RTTN: variants seen among roughly 807,000 people sequenced by gnomAD.
RTTN encodes rotatin.
Under a neutral mutation model 269.2 loss-of-function variants are expected in RTTN, and 182 were observed. The ratio of observed to expected loss-of-function variants is 0.68; its 90% confidence interval spans 0.60 to 0.76. The LOEUF is 0.76. Ranked by LOEUF, RTTN falls within the 30% of genes least tolerant of loss-of-function variation. RTTN has a pLI of 0.00. For missense variants in RTTN, 2,545 were observed against 2,608.6 expected (o/e 0.98, Z 0.53); for synonymous variants, 1,006 against 963.5 (o/e 1.04, Z -0.82).
Position 70,030,046 on chromosome 18 carries a change from G to T in RTTN, c.5711C>A (p.Ser1904Tyr). The part of the protein sequence containing the change: ...KHINAQLNLD[S>Y]LRPGKAALKK... ...CAATGCTGCTTTCCCAGGCCTCAGA[G>T]AATCTAGGTTCAGTTGTGCATTTAT... The change falls in exon 42 of 49, where the codon TCT (serine) becomes TAT (tyrosine). Residue 1904 changes from serine to tyrosine, a missense_variant. Ser to Tyr is a moderately radical substitution (Grantham distance 144, BLOSUM62 -2). Transcript: ENST00000640769. 2 of 1,612,800 alleles carry T rather than the reference G, an allele frequency of 1.2e-6. No individual in the cohort carries two copies. The highest frequency in any genetic ancestry group is 8.5e-7 in the Non-Finnish European group (1 of 1,179,546).
At chr18:70,060,478 T>C (rs541609613) in intron 35 of RTTN, among the ~76,000 whole-genome samples, 1 of 152,328 alleles carries the variant, frequency 6.6e-6, no homozygotes, top group South Asian at 2.1e-4. Context: ...TTTTTAATTA[T>C]GGATATATAA....
intron 32 of RTTN, among the ~76,000 whole-genome samples, chr18:70,082,434 A>G (rs547799594): frequency 4.6e-5 from 7 of 152,310 alleles, no homozygotes; most frequent in Admixed American, 3.9e-4. Flanking sequence ...AATTACATCA[A>G]TAATCCATCT....
intron 14 of RTTN, among the ~76,000 whole-genome samples, chr18:70,163,676 T>G (rs2060907781): frequency 6.6e-6 from 1 of 152,252 alleles, no homozygotes; most frequent in Non-Finnish European, 1.5e-5. Context: ...TTTCAGATTT[T>G]GAAATTATTT....
At chr18:70,139,804 T>G (rs1314529622) in intron 20 of RTTN, 88 bp from the exon 21 acceptor site, 2 of 802,454 alleles carry the variant, frequency 2.5e-6, no homozygotes, top group Non-Finnish European at 4.1e-6. Context: ...ACTCTAAATT[T>G]TATGCGTTTT....
intron 9 of RTTN, 81 bp downstream of exon 9, chr18:70,190,457 G>T: frequency 9.5e-7 from 1 of 1,047,326 alleles, no homozygotes; most frequent in Non-Finnish European, 1.4e-6. Flanking sequence ...CCCTAACATA[G>T]AAGAGAAAAA....
chr18:70,094,750 T>C (rs1317196549), intron 28 of RTTN, among the ~76,000 whole-genome samples: 2 of 152,228 alleles, frequency 1.3e-5, no homozygotes, highest in African/African-American at 2.4e-5. Flanking sequence ...CTGAGAAGAA[T>C]GTATATTCTG....
intron 14 of RTTN, among the ~76,000 whole-genome samples, chr18:70,155,487 C>T (rs971479935): frequency 6.6e-6 from 1 of 152,196 alleles, no homozygotes; most frequent in African/African-American, 2.4e-5. Flanking sequence ...GGACTTGTTC[C>T]TGGCCTTGAG....
rs1369363481 is a variant in RTTN at position 70,184,706 on chromosome 18, T to TGTG, written c.1305+3401_1305+3402insCAC. Among the ~76,000 whole-genome samples the TGTG allele has an allele frequency of 3.4e-3, 185 of 54,160 alleles. 2 individuals carry two copies. Among genetic ancestry groups the TGTG allele is most frequent in the African/African-American group, 0.012 (153 of 13,302 alleles). 35.5% of individuals were successfully genotyped at this position (54,160 alleles called of 152,430 possible). A position where few individuals can be genotyped will look rare whatever the true frequency, so the allele number is the denominator to read the frequency against. ...ATTCCATTCAAAACCACAGCAGGTTTTTTTTTTTTTTGTGTGTGTGTGTGT... is the reference window on the plus strand; with the variant it reads ...ATTCCATTCAAAACCACAGCAGGTTTGTGTTTTTTTTTTTGTGTGTGTGTGTGT... On this transcript the variant is annotated intron_variant, in intron 10 of 48. Coordinates refer to ENST00000640769, the MANE Select transcript of RTTN (RefSeq NM_173630.4).
chr18:70,058,774 T>C (rs1056923307), intron 36 of RTTN, among the ~76,000 whole-genome samples: 1 of 149,770 alleles, frequency 6.7e-6, no homozygotes, highest in Admixed American at 6.9e-5. Context: ...AGCAGTTACT[T>C]TTCCAATCCG....
At chr18:70,071,308 A>T (rs1034954156) in intron 34 of RTTN, among the ~76,000 whole-genome samples, 4 of 152,230 alleles carry the variant, frequency 2.6e-5, no homozygotes, top group Admixed American at 2.0e-4. Flanking sequence ...TCCAGAAAAA[A>T]GTTTGAAAGA....
chr18:70,152,369 T>A lies in RTTN; in HGVS notation c.1930-1636A>T, dbSNP rs141496614. 8.4e-3 allele frequency among the ~76,000 whole-genome samples: 1,276 copies of A among 152,266 alleles called. 9 individuals are homozygous for A. Among genetic ancestry groups the A allele is most frequent in the Middle Eastern group, 0.051 (15 of 294 alleles). Reference sequence around the variant, plus strand: ...AATGACCTTGGACAAATTCAAAGTATCTCCGTTTTCAGAAAGAGGTAGTAC... The same window carrying A: ...AATGACCTTGGACAAATTCAAAGTAACTCCGTTTTCAGAAAGAGGTAGTAC... On this transcript the variant is annotated intron_variant, in intron 14 of 48. Transcript: ENST00000640769.
chr18:70,027,411 T>A (rs1568261311), intron 43 of RTTN, among the ~76,000 whole-genome samples: 1 of 152,242 alleles, frequency 6.6e-6, no homozygotes. Flanking sequence ...TTACTTCTTA[T>A]TAAACAACTT....
chr18:70,027,465 G>A lies in RTTN; in HGVS notation c.5823+1259C>T, dbSNP rs2056886477. On this transcript the variant is annotated intron_variant, in intron 43 of 48. Transcript: ENST00000640769. The stretch of plus-strand genomic sequence containing the variant: ...TGACTTATTGAGATATCACACTTTT[G>A]TAAATGGCTAATGTGATACAAATTG... 2.0e-5 allele frequency among the ~76,000 whole-genome samples: 3 copies of A among 152,144 alleles called. No individual in the cohort carries two copies. The South Asian group carries it at 6.2e-4, about 32-fold the overall frequency.
chr18:70,097,545 C>A (rs2059034525), intron 28 of RTTN, among the ~76,000 whole-genome samples: 1 of 152,202 alleles, frequency 6.6e-6, no homozygotes, highest in Non-Finnish European at 1.5e-5. Context: ...TGCCATTTAA[C>A]ATAAAGTCAT....
At chr18:70,029,882 C>G in intron 42 of RTTN, 130 bp downstream of exon 42, 1 of 636,080 alleles carries the variant, frequency 1.6e-6, no homozygotes, top group Non-Finnish European at 2.7e-6. Context: ...ATGTAGAAGT[C>G]TCATTAATTT....
intron 11 of RTTN, among the ~76,000 whole-genome samples, chr18:70,173,346 AGCCGGGCATGGTG>A (rs1385777566): frequency 3.9e-5 from 6 of 152,198 alleles, no homozygotes; most frequent in African/African-American, 1.2e-4. Flanking sequence ...TACAAAAATT[AGCCGGGCATGGTG>A]GGGCACACCT....
intron 21 of RTTN, among the ~76,000 whole-genome samples, chr18:70,136,647 A>G (rs983295834): frequency 1.3e-5 from 2 of 152,054 alleles, no homozygotes; most frequent in African/African-American, 4.8e-5. Context: ...ATTTTTACCT[A>G]TAAGATTAAA....
chr18:70,018,513 C>T (rs2056607732), intron 45 of RTTN, among the ~76,000 whole-genome samples: 1 of 152,162 alleles, frequency 6.6e-6, no homozygotes, highest in South Asian at 2.1e-4. Context: ...TAAATCTACT[C>T]CAGTTTATCT....
chr18:70,024,111 T>C (rs2056783909), intron 44 of RTTN, among the ~76,000 whole-genome samples: 1 of 152,152 alleles, frequency 6.6e-6, no homozygotes, highest in Non-Finnish European at 1.5e-5. Flanking sequence ...AATTAAATCA[T>C]GCCACTCACC....
Sources: allele counts gnomAD v4.1 joint callset (sites outside exome capture counted in the v4.1 genomes callset), GRCh38; gene constraint gnomAD v4.1.1; transcripts MANE v1.5; gene names NCBI Gene and HGNC (gene_info 2026-07-23, HGNC 2026-07-21).